Variants in ANO2 observed in about 807,000 individuals in gnomAD.
ANO2 encodes anoctamin-2.
Under a neutral mutation model 124.2 loss-of-function variants are expected in ANO2, and 101 were observed. The observed-to-expected ratio is 0.81, with a 90% CI of 0.69 to 0.96. The LOEUF (loss-of-function observed/expected upper bound fraction) is 0.96. ANO2 is among the 40% of genes least tolerant of loss of function. The probability of loss-of-function intolerance (pLI) is 0.00; values close to 1 mark genes in which losing one functional copy is unlikely to be tolerated. For synonymous variants in ANO2, 486 were observed against 482.5 expected (o/e 1.01, Z -0.09); for missense variants, 1,293 against 1,274.5 (o/e 1.01, Z -0.22).
At position 5,903,120 on chromosome 12, in the gene ANO2, A is replaced by G. The variant is rs561442573; in HGVS notation, c.534+17920T>C. ...TTTCTGAATGCAGACTCTCCACAGC[A>G]CCGGACAATTGCGCAGTGTTGAAGT... On this transcript the variant is annotated intron_variant, in intron 3 of 24. Coordinates refer to ENST00000682330, the MANE Select transcript of ANO2 (RefSeq NM_001364791.2). Among the ~76,000 whole-genome samples, 11 of 151,910 alleles carry G rather than the reference A, an allele frequency of 7.2e-5. No homozygotes were observed. In the East Asian group the frequency reaches 2.2e-3, roughly 30 times the overall value.
At chr12:5,778,782 GAA>G (rs1397892884) in intron 10 of ANO2, among the ~76,000 whole-genome samples, 1 of 152,148 alleles carries the variant, frequency 6.6e-6, no homozygotes, top group East Asian at 1.9e-4. Flanking sequence ...CAAGTGAGAA[GAA>G]AAAAATTTTG....
chr12:5,817,572 G>A (rs980614225), intron 7 of ANO2, among the ~76,000 whole-genome samples: 1 of 152,208 alleles, frequency 6.6e-6, no homozygotes, highest in Non-Finnish European at 1.5e-5. Flanking sequence ...GGAGGACAGC[G>A]ATGTTTGATG....
At chr12:5,903,691 A>G (rs1940482426) in intron 3 of ANO2, among the ~76,000 whole-genome samples, 3 of 149,056 alleles carry the variant, frequency 2.0e-5, no homozygotes, top group Admixed American at 6.6e-5. Context: ...GTAGACAGCA[A>G]GGTCTGTGCA....
intron 13 of ANO2, 51 bp from the exon 14 acceptor site, chr12:5,732,681 G>A: frequency 6.4e-6 from 10 of 1,570,390 alleles, no homozygotes; most frequent in Non-Finnish European, 8.7e-6. Flanking sequence ...GAATGACCTT[G>A]GCCTTAGGGT....
At chr12:5,851,961 T>C in intron 4 of ANO2, 1 of 740,824 alleles carries the variant, frequency 1.3e-6, no homozygotes, top group Non-Finnish European at 2.5e-6. Flanking sequence ...GCTCACCTCC[T>C]TTCCAAGGAT....
chr12:5,782,801 G>C (rs1001963291), intron 10 of ANO2, among the ~76,000 whole-genome samples: 2 of 152,196 alleles, frequency 1.3e-5, no homozygotes, highest in East Asian at 3.8e-4. Flanking sequence ...GGTATGTTGG[G>C]AGTTGAAGAG....
chr12:5,890,078 T>C (rs1043975937), intron 3 of ANO2, among the ~76,000 whole-genome samples: 4 of 152,108 alleles, frequency 2.6e-5, no homozygotes, highest in African/African-American at 9.7e-5. Flanking sequence ...ACCTGCATCT[T>C]GGGAAAACCA....
At chr12:5,814,950 T>G (rs1292354398) in intron 7 of ANO2, among the ~76,000 whole-genome samples, 1 of 152,354 alleles carries the variant, frequency 6.6e-6, no homozygotes, top group South Asian at 2.1e-4. Context: ...GCTACTTTGC[T>G]GGCAGTTTAA....
At chr12:5,878,410 C>T (rs545429727) in intron 3 of ANO2, among the ~76,000 whole-genome samples, 17 of 152,206 alleles carry the variant, frequency 1.1e-4, no homozygotes, top group Admixed American at 1.0e-3. Flanking sequence ...CCCCCTTGGG[C>T]GGGCACCAGT....
intron 4 of ANO2, among the ~76,000 whole-genome samples, chr12:5,838,223 G>A (rs1047239593): frequency 2.6e-5 from 4 of 152,164 alleles, no homozygotes; most frequent in African/African-American, 9.7e-5. Context: ...ACTGGGACCA[G>A]GAGTGGGACT....
chr12:5,839,456 C>T (rs544107829), intron 4 of ANO2: 111 of 400,956 alleles, frequency 2.8e-4, no homozygotes, highest in Non-Finnish European at 4.9e-4. Context: ...TTAGACTGAG[C>T]GCTACTCCAG....
At chr12:5,583,737 G>A (rs1476565004) in intron 20 of ANO2, 1 of 157,258 alleles carries the variant, frequency 6.4e-6, no homozygotes, top group East Asian at 1.8e-4. Flanking sequence ...TTGAATATTG[G>A]GGGCTTAAGA....
chr12:5,568,300 C>T (rs976317131), intron 23 of ANO2, among the ~76,000 whole-genome samples: 5 of 152,046 alleles, frequency 3.3e-5, no homozygotes, highest in African/African-American at 1.2e-4. Context: ...CGCCACCACA[C>T]CCGGCTAATT....
At position 5,806,085 on chromosome 12, in the gene ANO2, G is replaced by A. The variant is rs759104578; in HGVS notation, c.957C>T (p.Tyr319=). The change falls in exon 9 of 25, where the codon TAC becomes TAT. Residue 319 remains tyrosine (Y), a synonymous_variant. Coordinates refer to ENST00000682330, the MANE Select transcript of ANO2 (RefSeq NM_001364791.2). The part of the protein sequence containing the change: ...EAAYPLHDGE[Y]DSPEDDMNDR... ...CATTCATATCGTCCTCTGGACTATC[G>A]TATTCACCCTGTGGAGAAAAAGTGA... The A allele has an allele frequency of 5.0e-6, 8 of 1,613,430 alleles. No individual in the cohort carries two copies. Among genetic ancestry groups the A allele is most frequent in the African/African-American group, 4.0e-5 (3 of 74,892 alleles).
chr12:5,628,072 T>G (rs1945506023), intron 16 of ANO2, among the ~76,000 whole-genome samples: 1 of 152,058 alleles, frequency 6.6e-6, no homozygotes, highest in African/African-American at 2.4e-5. Flanking sequence ...TGCACCCCAG[T>G]CGGGGCAACA....
At position 5,830,444 on chromosome 12, in the gene ANO2, G is replaced by GC; in HGVS notation, c.830dup (p.Ser278GlnfsTer23). ...ACATCCATTTACTTACAATGCGGCT[G>GC]CGGGTGGCATTATCAAAGAAGGTGT... On this transcript the variant is annotated frameshift_variant, in exon 6 of 25. Coordinates refer to ENST00000682330, the MANE Select transcript of ANO2 (RefSeq NM_001364791.2). LOFTEE classifies it high-confidence loss of function. The GC allele has an allele frequency of 1.2e-6, 2 of 1,612,790 alleles. No homozygotes were observed. Among genetic ancestry groups the GC allele is most frequent in the South Asian group, 2.2e-5 (2 of 90,522 alleles).
chr12:5,687,679 T>G (rs1165691988), intron 14 of ANO2, among the ~76,000 whole-genome samples: 1 of 152,234 alleles, frequency 6.6e-6, no homozygotes, highest in African/African-American at 2.4e-5. Context: ...CCAACATCTG[T>G]GCATTTCCAC....
At chr12:5,675,908 G>A (rs917019714) in intron 14 of ANO2, among the ~76,000 whole-genome samples, 1 of 152,186 alleles carries the variant, frequency 6.6e-6, no homozygotes, top group African/African-American at 2.4e-5. Flanking sequence ...TTCTGAGACT[G>A]GGAGGCCTGT....
chr12:5,651,398 G>C (rs1946908104), intron 14 of ANO2, among the ~76,000 whole-genome samples: 1 of 150,746 alleles, frequency 6.6e-6, no homozygotes, highest in Non-Finnish European at 1.5e-5. Context: ...TCCTTGAGTT[G>C]TTTTCTTCTT....
Sources: allele counts gnomAD v4.1 joint callset (sites outside exome capture counted in the v4.1 genomes callset), GRCh38; gene constraint gnomAD v4.1.1; transcripts MANE v1.5; gene names NCBI Gene and HGNC (gene_info 2026-07-23, HGNC 2026-07-21).